Variants in SHTN1 observed in about 807,000 individuals in gnomAD.
SHTN1 encodes shootin 1.
A neutral mutation model predicts 83.1 loss-of-function variants in SHTN1; 42 were observed. The observed-to-expected ratio is 0.51, with a 90% CI of 0.39 to 0.65. The LOEUF (loss-of-function observed/expected upper bound fraction) is 0.65. SHTN1 is among the 30% of genes least tolerant of loss of function. SHTN1 has a pLI of 0.00. For synonymous variants in SHTN1, 224 were observed against 247.7 expected (o/e 0.90, Z 0.90); for missense variants, 622 against 737.8 (o/e 0.84, Z 1.82).
intron 8 of SHTN1, among the ~76,000 whole-genome samples, chr10:116,943,235 C>G (rs1849452021): frequency 6.6e-6 from 1 of 152,168 alleles, no homozygotes; most frequent in Non-Finnish European, 1.5e-5. Flanking sequence ...ACAGCAGAGT[C>G]AATCATTCAT....
intron 1 of SHTN1, among the ~76,000 whole-genome samples, chr10:116,985,338 A>G (rs1851183582): frequency 6.6e-6 from 1 of 152,214 alleles, no homozygotes; most frequent in African/African-American, 2.4e-5. Flanking sequence ...ATCCCACAAT[A>G]CAGAATGGTA....
intron 2 of SHTN1, among the ~76,000 whole-genome samples, chr10:116,974,512 C>T (rs1850722700): frequency 6.6e-6 from 1 of 152,130 alleles, no homozygotes; most frequent in Admixed American, 6.6e-5. Flanking sequence ...ATATATCCTG[C>T]TTCTTGAAAC....
intron 9 of SHTN1, among the ~76,000 whole-genome samples, chr10:116,935,508 A>T (rs921861461): frequency 5.3e-5 from 8 of 152,204 alleles, no homozygotes; most frequent in African/African-American, 1.7e-4. Context: ...CATCCCAGGG[A>T]TGAAGCTGAC....
chr10:117,067,389 G>C (rs979617142), intron 1 of SHTN1, among the ~76,000 whole-genome samples: 1 of 152,132 alleles, frequency 6.6e-6, no homozygotes, highest in African/African-American at 2.4e-5. Context: ...TCAGGAGTTC[G>C]AGACCAGCCT....
At chr10:116,935,392 C>T (rs1212319081) in intron 9 of SHTN1, among the ~76,000 whole-genome samples, 1 of 152,100 alleles carries the variant, frequency 6.6e-6, no homozygotes, top group Admixed American at 6.5e-5. Flanking sequence ...TGAATTTTAT[C>T]GAAGGCCTTT....
chr10:117,016,980 TC>T (rs1404182776), intron 2 of SHTN1, among the ~76,000 whole-genome samples: 4 of 152,122 alleles, frequency 2.6e-5, no homozygotes, highest in African/African-American at 9.7e-5. Context: ...AAAACCCAGA[TC>T]TTGGTTTCTG....
rs971432078 is a variant in SHTN1 at position 116,884,903 on chromosome 10, CAT to C, written c.*1439_*1440del. 1 of 152,490 alleles carries C rather than the reference CAT, an allele frequency of 6.6e-6. No individual in the cohort carries two copies. Among genetic ancestry groups the C allele is most frequent in the African/African-American group, 2.4e-5 (1 of 41,428 alleles). The allele number at this position is 152,490 out of a possible 1,614,324, so 9.4% of individuals were successfully genotyped here. A position where few individuals can be genotyped will look rare whatever the true frequency, so the allele number is the denominator to read the frequency against. ...TTAATGCAGTCTGTAGTAAGCATAT[CAT>C]ATAGCAGTATTATCCAGTTAAAGAA... On this transcript the variant is annotated 3_prime_UTR_variant, in exon 17 of 17. Coordinates refer to ENST00000355371, the MANE Select transcript of SHTN1 (RefSeq NM_001127211.3).
At chr10:116,949,102 C>A (rs1183968773) in intron 6 of SHTN1, 105 bp from the exon 7 acceptor site, 16 of 1,227,034 alleles carry the variant, frequency 1.3e-5, no homozygotes, top group Non-Finnish European at 1.6e-5. Context: ...CATGAAGTTA[C>A]AATTTAAAGC....
At chr10:117,116,074 C>A (rs188994288) in intron 1 of SHTN1, among the ~76,000 whole-genome samples, 18 of 150,806 alleles carry the variant, frequency 1.2e-4, no homozygotes, top group South Asian at 2.1e-4. Context: ...AAGATCAGAG[C>A]AGAAATGAAT....
chr10:116,965,759 T>G (rs1189140917), intron 3 of SHTN1, among the ~76,000 whole-genome samples: 3 of 152,164 alleles, frequency 2.0e-5, no homozygotes, highest in African/African-American at 7.2e-5. Context: ...CCAGGTACAG[T>G]GTTAAGCATT....
rs1169611583 is a variant in SHTN1 at position 116,944,917 on chromosome 10, T to C, written c.711+7A>G. 1.9e-6 allele frequency: 3 copies of C among 1,566,982 alleles called. No individual in the cohort carries two copies. The highest frequency in any genetic ancestry group is 1.8e-6 in the Non-Finnish European group (2 of 1,137,542). ...GAAAAAAAATAAGATTTTTACAAGATACCCACCTCTTGTGCAAATGACTCT... is the reference window on the plus strand; with the variant it reads ...GAAAAAAAATAAGATTTTTACAAGACACCCACCTCTTGTGCAAATGACTCT... On this transcript the variant is annotated splice_region_variant and intron_variant, in intron 8 of 16. Coordinates refer to ENST00000355371, the MANE Select transcript of SHTN1 (RefSeq NM_001127211.3).
At chr10:117,034,127 A>T (rs563026757) in intron 2 of SHTN1, among the ~76,000 whole-genome samples, 1 of 152,280 alleles carries the variant, frequency 6.6e-6, no homozygotes, top group Non-Finnish European at 1.5e-5. Context: ...CTGGAACACA[A>T]CAAAGATTCC....
intron 1 of SHTN1, among the ~76,000 whole-genome samples, chr10:117,099,532 G>C (rs1188043327): frequency 1.3e-5 from 2 of 152,258 alleles, no homozygotes; most frequent in South Asian, 4.1e-4. Flanking sequence ...TCACAAAGTT[G>C]TTAAATAGTG....
chr10:116,979,021 G>A lies in SHTN1; in HGVS notation c.111+235C>T, dbSNP rs570978189. Reference sequence around the variant, plus strand: ...GGCCTGGTGCCTTGCTGCACATTTAGCCATGTAGTTAATCTCCCAGAGCTG... The same window carrying A: ...GGCCTGGTGCCTTGCTGCACATTTAACCATGTAGTTAATCTCCCAGAGCTG... On this transcript the variant is annotated intron_variant, in intron 2 of 16. Coordinates refer to ENST00000355371, the MANE Select transcript of SHTN1 (RefSeq NM_001127211.3). Among the ~76,000 whole-genome samples, 5 of 152,336 alleles carry A rather than the reference G, an allele frequency of 3.3e-5. No individual in the cohort carries two copies. In the South Asian group the frequency reaches 1.0e-3, roughly 32 times the overall value.
chr10:117,009,737 T>C (rs188085807), upstream of SHTN1, among the ~76,000 whole-genome samples: 1 of 152,020 alleles, frequency 6.6e-6, no homozygotes, highest in African/African-American at 2.4e-5. Flanking sequence ...ACCCCGTCTC[T>C]ACTAAAAATA....
intron 9 of SHTN1, among the ~76,000 whole-genome samples, chr10:116,936,354 T>C (rs1849160153): frequency 6.6e-6 from 1 of 152,250 alleles, no homozygotes; most frequent in South Asian, 2.1e-4. Flanking sequence ...GTCCCAAAGA[T>C]TCTGGTATGT....
rs1853698290 is a variant in SHTN1 at position 117,108,095 on chromosome 10, C to A, written c.-189+18212G>T. On this transcript the variant is annotated intron_variant, in intron 1 of 17. Transcript: ENST00000392901. ...AAACATGTACCTGTGCTTCTGATTA[C>A]TATTTTTGTTTCCAAGGCTAATAAG... is the stretch of plus-strand genomic sequence containing the variant. Among the ~76,000 whole-genome samples the A allele has an allele frequency of 2.6e-5, 4 of 152,290 alleles. No homozygotes were observed. In the South Asian group the frequency reaches 8.3e-4, roughly 32 times the overall value.
chr10:117,031,690 G>T (rs1410025080), intron 2 of SHTN1, among the ~76,000 whole-genome samples: 1 of 151,920 alleles, frequency 6.6e-6, no homozygotes, highest in Non-Finnish European at 1.5e-5. Flanking sequence ...TAAAACAATG[G>T]GTATTAAGAT....
intron 2 of SHTN1, among the ~76,000 whole-genome samples, chr10:117,041,900 A>G (rs186046033): frequency 7.3e-4 from 111 of 152,318 alleles, no homozygotes; most frequent in Non-Finnish European, 1.1e-3. Flanking sequence ...AACCAACAGA[A>G]TGATATTCCC....
Sources: gnomAD v4.1 joint callset for allele counts (sites outside exome capture counted in the v4.1 genomes callset) on GRCh38, gnomAD v4.1.1 for gene constraint, MANE v1.5 for transcripts, NCBI Gene and HGNC (gene_info 2026-07-23, HGNC 2026-07-21) for gene names.